Variants in EFCAB5 observed in about 807,000 individuals in gnomAD.
The protein encoded by EFCAB5 is EF-hand calcium-binding domain-containing protein 5.
Under a neutral mutation model 167.9 loss-of-function variants are expected in EFCAB5, and 131 were observed. The observed-to-expected ratio is 0.78, with a 90% CI of 0.68 to 0.90. The LOEUF (loss-of-function observed/expected upper bound fraction) is 0.90, where lower values mean the gene tolerates loss of function less well. EFCAB5 is among the 40% of genes least tolerant of loss of function. EFCAB5 has a pLI of 0.00. For synonymous variants in EFCAB5, 574 were observed against 602.8 expected, an observed-to-expected ratio of 0.95 and a Z score of 0.70; for missense variants, 1,663 against 1,745.2, an observed-to-expected ratio of 0.95 and a Z score of 0.84.
intron 3 of EFCAB5, 98 bp downstream of exon 3, chr17:29,943,747 G>A: frequency 9.5e-7 from 1 of 1,049,856 alleles, no homozygotes. Flanking sequence ...GCCGAGGCGG[G>A]TGGATCATCA....
intron 4 of EFCAB5, among the ~76,000 whole-genome samples, chr17:29,987,212 C>G (rs2068306213): frequency 6.6e-6 from 1 of 151,942 alleles, no homozygotes; most frequent in South Asian, 2.1e-4. Flanking sequence ...TTGATCTGTC[C>G]CCAGGTAGGT....
intron 7 of EFCAB5, among the ~76,000 whole-genome samples, chr17:30,014,875 T>C (rs1567715251): frequency 6.6e-6 from 1 of 152,238 alleles, no homozygotes; most frequent in Non-Finnish European, 1.5e-5. Flanking sequence ...TGTTAGTTGA[T>C]GCAGTTTCTT....
Position 29,942,257 on chromosome 17 carries a change from CAAAG to C in EFCAB5, c.62_65del (p.Lys21ArgfsTer6). The C allele has an allele frequency of 1.3e-6, 2 of 1,588,644 alleles. No individual in the cohort carries two copies. The highest frequency in any genetic ancestry group is 1.7e-6 in the Non-Finnish European group (2 of 1,167,298). ...CATTTCAGGAAAACAGAAAAGAAGACAAAGAGAGGAAATGGAACTTAACTGAAGT... is the reference window on the plus strand; with the variant it reads ...CATTTCAGGAAAACAGAAAAGAAGACAGAGGAAATGGAACTTAACTGAAGT... On this transcript the variant is annotated frameshift_variant, in exon 2 of 23. Transcript: ENST00000394835. LOFTEE classifies it high-confidence loss of function.
chr17:29,942,117 C>A, intron 1 of EFCAB5, 123 bp from the exon 2 acceptor site: 1 of 823,220 alleles, frequency 1.2e-6, no homozygotes, highest in Non-Finnish European at 1.9e-6. Context: ...TTTTATTTCA[C>A]ATGATATTTA....
At chr17:30,059,331 C>T in intron 13 of EFCAB5, 3 of 370,614 alleles carry the variant, frequency 8.1e-6, no homozygotes, top group Non-Finnish European at 1.4e-5. Flanking sequence ...AACTCCCGGC[C>T]TCAAGCGATA....
chr17:30,089,463 A>G (rs1337883626), intron 19 of EFCAB5, among the ~76,000 whole-genome samples: 2 of 152,148 alleles, frequency 1.3e-5, no homozygotes, highest in Non-Finnish European at 2.9e-5. Context: ...CCTTAAAGAA[A>G]TGGCATATCA....
At chr17:30,062,735 G>A (rs367931377) in intron 14 of EFCAB5, among the ~76,000 whole-genome samples, 27 of 152,236 alleles carry the variant, frequency 1.8e-4, no homozygotes, top group African/African-American at 6.3e-4. Flanking sequence ...TCCTCAAGTG[G>A]AGCTGCAAGC....
At chr17:29,945,972 A>G (rs961461553) in intron 3 of EFCAB5, among the ~76,000 whole-genome samples, 17 of 152,196 alleles carry the variant, frequency 1.1e-4, no homozygotes, top group African/African-American at 4.1e-4. Context: ...GCAATAAAAC[A>G]AAAAATAAAT....
At chr17:29,951,884 C>T (rs2067520684) in intron 3 of EFCAB5, among the ~76,000 whole-genome samples, 1 of 152,138 alleles carries the variant, frequency 6.6e-6, no homozygotes, top group African/African-American at 2.4e-5. Flanking sequence ...CAGGTGGTGA[C>T]ATAAATTGGA....
intron 14 of EFCAB5, chr17:30,068,582 C>A: frequency 9.2e-7 from 1 of 1,092,790 alleles, no homozygotes; most frequent in Non-Finnish European, 1.3e-6. Flanking sequence ...CTGTCACCAG[C>A]TGCTGACATG....
chr17:29,959,284 T>C (rs2067675890), intron 3 of EFCAB5, among the ~76,000 whole-genome samples: 2 of 152,168 alleles, frequency 1.3e-5, no homozygotes, highest in Admixed American at 1.3e-4. Context: ...GTCCAGGAAC[T>C]AGAGCCTAGA....
intron 3 of EFCAB5, among the ~76,000 whole-genome samples, chr17:29,957,009 G>A (rs112680812): frequency 4.6e-5 from 7 of 152,142 alleles, no homozygotes; most frequent in South Asian, 2.1e-4. Context: ...GGTAAAAATG[G>A]GCATCCTTAT....
At chr17:30,056,939 TTA>T (rs1174637684) in intron 12 of EFCAB5, among the ~76,000 whole-genome samples, 1 of 151,158 alleles carries the variant, frequency 6.6e-6, no homozygotes, top group Non-Finnish European at 1.5e-5. Flanking sequence ...ATCATTTTTT[TTA>T]ATCACATCAA....
At chr17:30,067,845 G>A (rs1198496745) in intron 14 of EFCAB5, among the ~76,000 whole-genome samples, 1 of 152,136 alleles carries the variant, frequency 6.6e-6, no homozygotes, top group African/African-American at 2.4e-5. Context: ...GAGCAGTTAG[G>A]AAAGAGACAG....
chr17:30,003,991 A>G (rs1307529261), intron 7 of EFCAB5, among the ~76,000 whole-genome samples: 3 of 152,238 alleles, frequency 2.0e-5, no homozygotes, highest in Admixed American at 6.5e-5. Context: ...TTGAAGGGTG[A>G]AGATGGATTT....
intron 3 of EFCAB5, among the ~76,000 whole-genome samples, chr17:29,943,968 A>G (rs12945704): frequency 6.6e-6 from 1 of 152,270 alleles, no homozygotes; most frequent in East Asian, 1.9e-4. Context: ...GCGAAACTCC[A>G]TCTCAAAAAA....
At chr17:30,051,001 A>G in intron 8 of EFCAB5, 117 bp from the exon 9 acceptor site, 2 of 749,870 alleles carry the variant, frequency 2.7e-6, no homozygotes, top group East Asian at 2.7e-5. Flanking sequence ...TTTTATTTAC[A>G]TGATAATGAT....
At position 30,047,152 on chromosome 17, in the gene EFCAB5, T is replaced by G. The variant is rs114504693; in HGVS notation, c.1201-3966T>G. On this transcript the variant is annotated intron_variant, in intron 8 of 22. Transcript: ENST00000394835. ...TTTTCTTGGTAGATTAAATAAAACC[T>G]TGACTCAAAGATAGCCTGCATTCAA... 9.6e-4 allele frequency among the ~76,000 whole-genome samples: 146 copies of G among 152,316 alleles called. 1 individual carries two copies. The highest frequency in any genetic ancestry group is 3.3e-3 in the African/African-American group (137 of 41,582).
intron 7 of EFCAB5, among the ~76,000 whole-genome samples, chr17:30,017,282 C>T (rs2069068811): frequency 6.6e-6 from 1 of 152,246 alleles, no homozygotes; most frequent in Admixed American, 6.5e-5. Flanking sequence ...AATCTTGTTA[C>T]TTTGGCATAT....
Sources: gnomAD v4.1 joint callset for allele counts (sites outside exome capture counted in the v4.1 genomes callset) on GRCh38, gnomAD v4.1.1 for gene constraint, MANE v1.5 for transcripts, NCBI Gene and HGNC (gene_info 2026-07-23, HGNC 2026-07-21) for gene names.